The following KCTD5 variants were observed in gnomAD, a reference collection of about 807,000 sequenced individuals.
The protein encoded by KCTD5 is potassium channel tetramerization domain containing 5.
KCTD5 carries 12 observed loss-of-function variants against 27.9 expected under a neutral mutation model. That is an observed-to-expected ratio of 0.43 (90% CI 0.28 to 0.70). KCTD5 has a LOEUF of 0.70. Ranked by LOEUF, KCTD5 falls within the 30% of genes least tolerant of loss-of-function variation. The pLI is 0.19. For missense variants in KCTD5, 226 were observed against 274.8 expected (o/e 0.82, Z 1.26); for synonymous variants, 147 against 121.4 (o/e 1.21, Z -1.39).
intron 1 of KCTD5, 181 bp downstream of exon 1, chr16:2,682,981 G>A: frequency 1.5e-6 from 1 of 672,524 alleles, no homozygotes; most frequent in Non-Finnish European, 2.3e-6. Flanking sequence ...ACCCTGGGAG[G>A]GGAGGGTGAG....
intron 4 of KCTD5, among the ~76,000 whole-genome samples, chr16:2,701,141 T>C (rs2067610171): frequency 6.6e-6 from 1 of 152,204 alleles, no homozygotes. Context: ...GAGGGAACAA[T>C]GTCTCCTGCC....
chr16:2,688,249 ATTTATT>A (rs2067550732), intron 1 of KCTD5, among the ~76,000 whole-genome samples: 2 of 112,972 alleles, frequency 1.8e-5, no homozygotes, highest in Admixed American at 2.0e-4. Flanking sequence ...ATATATATTT[ATTTATT>A]TATTTATTTA....
At chr16:2,701,305 G>C (rs2067611013) in intron 4 of KCTD5, among the ~76,000 whole-genome samples, 1 of 152,204 alleles carries the variant, frequency 6.6e-6, no homozygotes. Context: ...CCTTCTCCCA[G>C]TTCATGTAGG....
At chr16:2,702,224 T>C in intron 4 of KCTD5, 129 bp from the exon 5 acceptor site, 1 of 1,203,344 alleles carries the variant, frequency 8.3e-7, no homozygotes, top group East Asian at 2.4e-5. Flanking sequence ...TTTCCATCCA[T>C]TTCCTGAAGC....
At chr16:2,690,529 GA>G (rs1052253525) in intron 1 of KCTD5, among the ~76,000 whole-genome samples, 2 of 152,214 alleles carry the variant, frequency 1.3e-5, no homozygotes, top group Non-Finnish European at 2.9e-5. Context: ...GGCTGTTTTA[GA>G]AAAAAACCAC....
Position 2,699,924 on chromosome 16 carries a change from G to A in KCTD5, c.549+8G>A, listed in dbSNP as rs765880446. ...GGCTGGAAGTTCGAGCAGGTGAGGG[G>A]CCCTGGCCAGCCTGGTGGCAGCCAT... On this transcript the variant is annotated splice_region_variant and intron_variant, in intron 4 of 5. Coordinates refer to ENST00000301738, the MANE Select transcript of KCTD5 (RefSeq NM_018992.4). The A allele has an allele frequency of 1.2e-5, 20 of 1,612,578 alleles. No homozygotes were observed. The highest frequency in any genetic ancestry group is 1.4e-5 in the Non-Finnish European group (17 of 1,179,022).
At position 2,705,680 on chromosome 16, in the gene KCTD5, TG is replaced by T. The variant is rs568614062; in HGVS notation, c.676-1613del. Among the ~76,000 whole-genome samples the T allele has an allele frequency of 2.8e-3, 432 of 152,244 alleles. 2 individuals carry two copies. Among genetic ancestry groups the T allele is most frequent in the African/African-American group, 1.0e-2 (414 of 41,546 alleles). On this transcript the variant is annotated intron_variant, in intron 5 of 5. Transcript: ENST00000301738. ...TCAGCCACCCGGGCCTGCCTGCCTGTGGGGGTGTCTGGCCATGGGGTACAGC... is the reference window on the plus strand; with the variant it reads ...TCAGCCACCCGGGCCTGCCTGCCTGTGGGGTGTCTGGCCATGGGGTACAGC...
At chr16:2,702,300 G>A in intron 4 of KCTD5, 53 bp from the exon 5 acceptor site, 2 of 1,608,498 alleles carry the variant, frequency 1.2e-6, no homozygotes, top group Non-Finnish European at 8.5e-7. Flanking sequence ...TGTCAGCCTG[G>A]CTGGGTCTCT....
chr16:2,688,802 G>T (rs1186768924), intron 1 of KCTD5, among the ~76,000 whole-genome samples: 1 of 53,478 alleles, frequency 1.9e-5, no homozygotes, highest in Non-Finnish European at 3.7e-5. Flanking sequence ...GCACTGTGGG[G>T]AGGGCAGGGC....
intron 1 of KCTD5, among the ~76,000 whole-genome samples, chr16:2,693,819 C>G (rs58348343): frequency 2.7e-5 from 4 of 150,378 alleles, no homozygotes; most frequent in South Asian, 2.1e-4. Context: ...CCGAGCTACA[C>G]GAGCTGGTCT....
intron 1 of KCTD5, among the ~76,000 whole-genome samples, chr16:2,685,384 G>A (rs558185441): frequency 1.1e-4 from 17 of 152,074 alleles, no homozygotes; most frequent in East Asian, 3.9e-4. Context: ...CTGAGGTTGC[G>A]CCACTGCACT....
rs1358699408 is a variant in KCTD5 at position 2,707,794 on chromosome 16, T to C, written c.*467T>C. Reference sequence around the variant, plus strand: ...CTAGTCTCGGTCAGGGAGTCTGCTCTGCCTCCCAGGCGGGATCGCTGGTTT... The same window carrying C: ...CTAGTCTCGGTCAGGGAGTCTGCTCCGCCTCCCAGGCGGGATCGCTGGTTT... On this transcript the variant is annotated 3_prime_UTR_variant, in exon 6 of 6. Coordinates refer to ENST00000301738, the MANE Select transcript of KCTD5 (RefSeq NM_018992.4). 2 of 282,436 alleles carry C rather than the reference T, an allele frequency of 7.1e-6. No homozygotes were observed. The highest frequency in any genetic ancestry group is 4.3e-5 in the African/African-American group (2 of 46,118). 17.5% of individuals were successfully genotyped at this position (282,436 alleles called of 1,614,324 possible). A position where few individuals can be genotyped will look rare whatever the true frequency, so the allele number is the denominator to read the frequency against.
At chr16:2,692,670 G>A (rs1225200549) in intron 1 of KCTD5, among the ~76,000 whole-genome samples, 5 of 152,210 alleles carry the variant, frequency 3.3e-5, no homozygotes, top group African/African-American at 7.2e-5. Context: ...CTGGCAGCCC[G>A]GCCCCAGCCT....
At chr16:2,706,481 C>T (rs1035206361) in intron 5 of KCTD5, among the ~76,000 whole-genome samples, 3 of 152,210 alleles carry the variant, frequency 2.0e-5, no homozygotes, top group Non-Finnish European at 4.4e-5. Context: ...GTGATTTCCC[C>T]TCCACCTGGT....
Position 2,691,028 on chromosome 16 carries a change from C to T in KCTD5, c.253-4907C>T, listed in dbSNP as rs553873809. Among the ~76,000 whole-genome samples the T allele has an allele frequency of 6.6e-5, 10 of 152,326 alleles. No individual in the cohort carries two copies. The East Asian group carries it at 1.7e-3, about 26-fold the overall frequency. ...GGCCTGGGCTGGCACCACGAGTAGC[C>T]CCCGCACACATTAGGCCGATCTGGA... On this transcript the variant is annotated intron_variant, in intron 1 of 5. Coordinates refer to ENST00000301738, the MANE Select transcript of KCTD5 (RefSeq NM_018992.4).
In KCTD5 at chr16:2,707,523, G is replaced by C; in HGVS notation, c.*196G>C. On this transcript the variant is annotated 3_prime_UTR_variant, in exon 6 of 6. Coordinates refer to ENST00000301738, the MANE Select transcript of KCTD5 (RefSeq NM_018992.4). ...GCTGTCCAAGGCCAGACGTCCCCAA[G>C]TTGGGGGAGCACGGCGGCCGGGTGG... 1 of 698,794 alleles carries C rather than the reference G, an allele frequency of 1.4e-6. No homozygotes were observed. Among genetic ancestry groups the C allele is most frequent in the East Asian group, 2.7e-5 (1 of 36,948 alleles). The allele number at this position is 698,794 out of a possible 1,614,324, so 43.3% of individuals were successfully genotyped here.
rs374248087 is a variant in KCTD5 at position 2,682,609 on chromosome 16, G to T, written c.61G>T (p.Gly21Trp). 2 of 1,524,444 alleles carry T rather than the reference G, an allele frequency of 1.3e-6. No individual in the cohort carries two copies. Among genetic ancestry groups the T allele is most frequent in the African/African-American group, 1.4e-5 (1 of 69,240 alleles). 94.4% of individuals were successfully genotyped at this position (1,524,444 alleles called of 1,614,324 possible). The change falls in exon 1 of 6, where the codon GGG becomes TGG. Residue 21 changes from glycine to tryptophan, a missense_variant. Physicochemically the swap from Gly to Trp is radical, Grantham distance 184. Around this residue, in one of 2 missense-constraint regions of KCTD5, gnomAD observed 91 missense variants for 67.8 expected, o/e 1.34. Coordinates refer to ENST00000301738, the MANE Select transcript of KCTD5 (RefSeq NM_018992.4). ...CCGGGGCGGCATCGGGGCGGGGCTGGGGGGCGGCCTGTGCCGCCGCTGCAG... is the reference window on the plus strand; with the variant it reads ...CCGGGGCGGCATCGGGGCGGGGCTGTGGGGCGGCCTGTGCCGCCGCTGCAG... ...PARGGIGAGL[G>W]GGLCRRCSAG...
chr16:2,705,896 A>G (rs1470981313), intron 5 of KCTD5, among the ~76,000 whole-genome samples: 1 of 152,198 alleles, frequency 6.6e-6, no homozygotes, highest in African/African-American at 2.4e-5. Context: ...TGCCCTCATC[A>G]GGAGGGAGCT....
intron 5 of KCTD5, 89 bp downstream of exon 5, chr16:2,702,567 A>C: frequency 1.3e-6 from 2 of 1,513,038 alleles, no homozygotes; most frequent in South Asian, 1.2e-5. Context: ...TGCCATTCTC[A>C]TCAAGCTCCC....
Sources: allele counts gnomAD v4.1 joint callset (sites outside exome capture counted in the v4.1 genomes callset), GRCh38; gene constraint gnomAD v4.1.1; regional missense constraint gnomAD v4.1.1; transcripts MANE v1.5; gene names NCBI Gene and HGNC (gene_info 2026-07-23, HGNC 2026-07-21).